Variants in RASSF3 observed in about 807,000 individuals in gnomAD.
The protein encoded by RASSF3 is Ras association domain family member 3.
Under a neutral mutation model 19.9 loss-of-function variants are expected in RASSF3, and 19 were observed. The ratio of observed to expected loss-of-function variants is 0.96; its 90% CI spans 0.67 to 1.40. RASSF3 has a LOEUF of 1.40. Ranked by LOEUF, RASSF3 falls within the 40% of genes most tolerant of loss-of-function variation. The pLI is 0.00. For missense variants in RASSF3, 306 were observed against 289.8 expected, an observed-to-expected ratio of 1.06 and a Z score of -0.41; for synonymous variants, 110 against 104.2, an observed-to-expected ratio of 1.06 and a Z score of -0.34.
At chr12:64,510,248 C>T (rs1201149853) in intron 1 of RASSF3, among the ~76,000 whole-genome samples, 2 of 152,124 alleles carry the variant, frequency 1.3e-5, no homozygotes, top group Non-Finnish European at 1.5e-5. Flanking sequence ...CAGTCAATAA[C>T]TATTTGCTTT....
At chr12:64,637,190 G>T (rs1180487737) in intron 1 of RASSF3, among the ~76,000 whole-genome samples, 1 of 152,202 alleles carries the variant, frequency 6.6e-6, no homozygotes, top group Non-Finnish European at 1.5e-5. Flanking sequence ...TTGAGCAGCA[G>T]GCGCCTTGGG....
At chr12:64,521,078 G>A (rs1027897235) in intron 1 of RASSF3, among the ~76,000 whole-genome samples, 1 of 152,128 alleles carries the variant, frequency 6.6e-6, no homozygotes, top group East Asian at 1.9e-4. Flanking sequence ...TAGTGCACAA[G>A]CTCCCTGTTG....
In RASSF3 at chr12:64,579,508, G is replaced by A. The variant is rs764776292; in HGVS notation, c.294+37803G>A. 4.0e-5 allele frequency among the ~76,000 whole-genome samples: 6 copies of A among 151,806 alleles called. No homozygotes were observed. The South Asian group carries it at 6.2e-4, about 16-fold the overall frequency. ...TGGGGCTACAGGTGCCTGCCAACACGCCTGGCTATTTTTTTTGTATTTTTA... is the reference window on the plus strand; with the variant it reads ...TGGGGCTACAGGTGCCTGCCAACACACCTGGCTATTTTTTTTGTATTTTTA... On this transcript the variant is annotated intron_variant, in intron 2 of 5. Transcript: ENST00000637125.
At chr12:64,546,815 T>C (rs1188171316) in intron 2 of RASSF3, among the ~76,000 whole-genome samples, 1 of 152,224 alleles carries the variant, frequency 6.6e-6, no homozygotes, top group Non-Finnish European at 1.5e-5. Flanking sequence ...TGTTGTTGGC[T>C]TCAAGCACTG....
chr12:64,600,107 C>CT (rs1424725978), intron 2 of RASSF3, among the ~76,000 whole-genome samples: 1 of 146,250 alleles, frequency 6.8e-6, no homozygotes, highest in Non-Finnish European at 1.5e-5. Flanking sequence ...ATGAATTAAT[C>CT]TTTTTTCCTT....
intron 2 of RASSF3, among the ~76,000 whole-genome samples, chr12:64,578,631 CA>C (rs1160336231): frequency 6.6e-6 from 1 of 151,196 alleles, no homozygotes; most frequent in Non-Finnish European, 1.5e-5. Flanking sequence ...CCTGTCTTTA[CA>C]AAAAAAGAAA....
At chr12:64,538,105 C>T (rs892500591) in intron 1 of RASSF3, among the ~76,000 whole-genome samples, 1 of 152,090 alleles carries the variant, frequency 6.6e-6, no homozygotes, top group African/African-American at 2.4e-5. Context: ...CCTCCCACCT[C>T]AGCCTCCCAA....
downstream of RASSF3, among the ~76,000 whole-genome samples, chr12:64,542,967 CTAGA>C (rs1218155507): frequency 6.6e-6 from 1 of 152,018 alleles, no homozygotes; most frequent in African/African-American, 2.4e-5. Flanking sequence ...TGCGCGCCAG[CTAGA>C]TAGAGTTCCG....
intron 1 of RASSF3, among the ~76,000 whole-genome samples, chr12:64,626,204 A>G: frequency 6.6e-6 from 1 of 152,266 alleles, no homozygotes; most frequent in East Asian, 1.9e-4. Flanking sequence ...AAGGGCTTGG[A>G]ACTATACCTG....
intron 2 of RASSF3, among the ~76,000 whole-genome samples, chr12:64,604,368 T>A (rs923166536): frequency 1.3e-5 from 2 of 152,114 alleles, no homozygotes; most frequent in South Asian, 4.1e-4. Context: ...TCAAGCTATC[T>A]GCCTGCCTCA....
chr12:64,661,513 A>G, intron 1 of RASSF3, among the ~76,000 whole-genome samples: 1 of 151,942 alleles, frequency 6.6e-6, no homozygotes, highest in Non-Finnish European at 1.5e-5. Context: ...GGTTCTTTCC[A>G]TGAATGTGAT....
intron 2 of RASSF3, among the ~76,000 whole-genome samples, chr12:64,559,581 A>T (rs1243430563): frequency 6.6e-6 from 1 of 151,782 alleles, no homozygotes; most frequent in East Asian, 1.9e-4. Flanking sequence ...TTGTGGGTCC[A>T]TTTTCCTTAG....
intron 1 of RASSF3, among the ~76,000 whole-genome samples, chr12:64,626,388 T>C (rs980680698): frequency 1.3e-5 from 2 of 149,658 alleles, no homozygotes; most frequent in Non-Finnish European, 3.0e-5. Context: ...ATACAAAAAT[T>C]AGCCTGATGT....
chr12:64,526,686 G>A (rs750053464), intron 1 of RASSF3, among the ~76,000 whole-genome samples: 1 of 152,114 alleles, frequency 6.6e-6, no homozygotes, highest in African/African-American at 2.4e-5. Context: ...TGGGACTATA[G>A]GCACATGCCA....
intron 1 of RASSF3, among the ~76,000 whole-genome samples, chr12:64,540,078 C>T (rs1197166220): frequency 1.3e-5 from 2 of 152,024 alleles, no homozygotes; most frequent in Non-Finnish European, 2.9e-5. Context: ...CTCCTTACTG[C>T]CTGTTTTATC....
chr12:64,583,363 T>C (rs1869735880), intron 2 of RASSF3, among the ~76,000 whole-genome samples: 1 of 152,238 alleles, frequency 6.6e-6, no homozygotes, highest in Non-Finnish European at 1.5e-5. Context: ...GGCTCACGCC[T>C]GTAATCCCAG....
chr12:64,522,956 AC>A (rs1868509772), intron 1 of RASSF3, among the ~76,000 whole-genome samples: 1 of 152,104 alleles, frequency 6.6e-6, no homozygotes, highest in Non-Finnish European at 1.5e-5. Context: ...TTGCTTTTCC[AC>A]CAACTACATC....
At chr12:64,559,283 G>A (rs373314499) in intron 2 of RASSF3, among the ~76,000 whole-genome samples, 4 of 141,490 alleles carry the variant, frequency 2.8e-5, no homozygotes, top group Admixed American at 7.4e-5. Flanking sequence ...TCACACTGTC[G>A]TCCAGGCTGG....
rs111314895 is a variant in RASSF3, at chr12:64,686,503, C to G, written c.219+1609C>G. On this transcript the variant is annotated intron_variant, in intron 2 of 4. Transcript: ENST00000542104. ...GCGGGCGCCTGTAGTCCCAGCTACG[C>G]GGGAGGCTGAGGCAGAAGAATGGCG... 1.2e-4 allele frequency among the ~76,000 whole-genome samples: 19 copies of G among 152,090 alleles called. No homozygotes were observed. In the East Asian group the frequency reaches 3.5e-3, roughly 28 times the overall value.
Sources: gnomAD v4.1 joint callset for allele counts (sites outside exome capture counted in the v4.1 genomes callset) on GRCh38, gnomAD v4.1.1 for gene constraint, MANE v1.5 for transcripts, NCBI Gene and HGNC (gene_info 2026-07-23, HGNC 2026-07-21) for gene names.